The following ZFAT variants were observed in gnomAD, a reference collection of about 807,000 sequenced individuals.
The protein encoded by ZFAT is zinc finger protein ZFAT.
In ZFAT, 64 loss-of-function variants were observed where a neutral mutation model predicts 117.7. That is an observed-to-expected ratio of 0.54 (90% CI 0.44 to 0.67). The LOEUF (loss-of-function observed/expected upper bound fraction) is 0.67. ZFAT is among the 30% of genes least tolerant of loss of function. The pLI is 0.00. For missense variants in ZFAT, 1,433 were observed against 1,584.5 expected (o/e 0.90, Z 1.62); for synonymous variants, 679 against 615.0 (o/e 1.10, Z -1.54).
chr8:134,771,428 C>G, the ZFAT span, among the ~76,000 whole-genome samples: 1 of 152,182 alleles, frequency 6.6e-6, no homozygotes, highest in East Asian at 1.9e-4. Context: ...CTCTCAAGTT[C>G]AAAGTTCCAC....
chr8:134,575,187 G>A (rs1269525014), intron 10 of ZFAT, among the ~76,000 whole-genome samples: 2 of 152,082 alleles, frequency 1.3e-5, no homozygotes, highest in African/African-American at 4.8e-5. Flanking sequence ...AGATATCCAG[G>A]TTCTAATCCC....
chr8:134,477,824 C>T lies in ZFAT; in HGVS notation c.*658G>A, dbSNP rs1377657036. 2 of 152,208 alleles carry T rather than the reference C, an allele frequency of 1.3e-5. No homozygotes were observed. Among genetic ancestry groups the T allele is most frequent in the Non-Finnish European group, 2.9e-5 (2 of 68,080 alleles). 9.4% of individuals were successfully genotyped at this position (152,208 alleles called of 1,614,324 possible). ...ACTGTTTTTATTCCAACCACCTCAC[C>T]TCCTTAGAATGGGAGGCGAACAGTG... On this transcript the variant is annotated 3_prime_UTR_variant, in exon 16 of 16. Coordinates refer to ENST00000377838, the MANE Select transcript of ZFAT (RefSeq NM_020863.4).
At chr8:134,657,946 T>C (rs1831709294) in intron 1 of ZFAT, among the ~76,000 whole-genome samples, 1 of 152,174 alleles carries the variant, frequency 6.6e-6, no homozygotes, top group South Asian at 2.1e-4. Context: ...ATTCAGTATC[T>C]CAACCCTCAG....
At chr8:134,677,985 A>C (rs1328494784) in intron 1 of ZFAT, among the ~76,000 whole-genome samples, 2 of 152,208 alleles carry the variant, frequency 1.3e-5, no homozygotes, top group Non-Finnish European at 2.9e-5. Context: ...ACCCACAGCC[A>C]ATATCGTATT....
chr8:134,518,905 C>T (rs1820434216), intron 13 of ZFAT, among the ~76,000 whole-genome samples: 1 of 152,112 alleles, frequency 6.6e-6, no homozygotes, highest in African/African-American at 2.4e-5. Flanking sequence ...AAAAAGCCCA[C>T]CTTTCTCCTA....
At chr8:134,765,258 C>T in the ZFAT span, 1 of 152,214 alleles carries the variant, frequency 6.6e-6, no homozygotes, top group Non-Finnish European at 1.5e-5. Context: ...TTTCACTAGA[C>T]TGAACCATCA....
chr8:134,615,468 C>G (rs906511001), intron 3 of ZFAT, among the ~76,000 whole-genome samples: 1 of 152,128 alleles, frequency 6.6e-6, no homozygotes, highest in Non-Finnish European at 1.5e-5. Flanking sequence ...AGATTACATG[C>G]GTGAGCTACT....
At chr8:134,503,922 A>G (rs933463111) in intron 15 of ZFAT, among the ~76,000 whole-genome samples, 4 of 149,664 alleles carry the variant, frequency 2.7e-5, no homozygotes, top group African/African-American at 9.7e-5. Context: ...ACAAACACAC[A>G]CACACACACA....
At chr8:134,670,511 A>C (rs1377294457) in intron 1 of ZFAT, among the ~76,000 whole-genome samples, 1 of 152,282 alleles carries the variant, frequency 6.6e-6, no homozygotes, top group African/African-American at 2.4e-5. Flanking sequence ...TACTGAGTAC[A>C]TAACTAAATG....
chr8:134,740,726 C>T, the ZFAT span, among the ~76,000 whole-genome samples: 1 of 152,166 alleles, frequency 6.6e-6, no homozygotes, highest in African/African-American at 2.4e-5. Flanking sequence ...GACCTCTGGC[C>T]TCCAGCTTGC....
rs773661092 is a variant in ZFAT, at chr8:134,601,975, C to A, written c.1744G>T (p.Val582Phe). Residue 582 changes from valine to phenylalanine, a missense_variant, in exon 6 of 16, where the codon GTC becomes TTC. Physicochemically the swap from Val to Phe is conservative, Grantham distance 50. Transcript: ENST00000377838. ...LPPCELETTV[V>F]SSSDLHSQEV... ...TGAGAATGCAGGTCTGAGGAGGAGA[C>A]CACGGTGGTTTCCAGCTCACAGGGT... 3.7e-6 allele frequency: 6 copies of A among 1,613,816 alleles called. No homozygotes were observed. The highest frequency in any genetic ancestry group is 5.1e-6 in the Non-Finnish European group (6 of 1,179,968).
the ZFAT span, among the ~76,000 whole-genome samples, chr8:134,761,498 G>A: frequency 5.3e-5 from 8 of 151,346 alleles, no homozygotes; most frequent in Non-Finnish European, 1.0e-4. Context: ...TCAAGAGATC[G>A]AGATCATCCT....
At chr8:134,739,691 A>C in the ZFAT span, among the ~76,000 whole-genome samples, 62 of 152,366 alleles carry the variant, frequency 4.1e-4, no homozygotes, top group Middle Eastern at 3.4e-3. Flanking sequence ...TAAACAATGA[A>C]CAAGGAAATA....
chr8:134,783,092 A>G, the ZFAT span, among the ~76,000 whole-genome samples: 1 of 152,228 alleles, frequency 6.6e-6, no homozygotes, highest in Non-Finnish European at 1.5e-5. Context: ...TTTAAGTCAC[A>G]TAAATAATAC....
the ZFAT span, among the ~76,000 whole-genome samples, chr8:134,826,671 T>C: frequency 6.6e-6 from 1 of 152,192 alleles, no homozygotes; most frequent in South Asian, 2.1e-4. Flanking sequence ...AACAGAGATA[T>C]TAAATTATAC....
rs201279841 is a variant in ZFAT at position 134,590,839 on chromosome 8, CCAT to C, written c.2476-487_2476-485del. On this transcript the variant is annotated intron_variant, in intron 7 of 15. Transcript: ENST00000377838. ...ATCAACATCACCACGACCCCCCTCA[CCAT>C]CATCAACACTAGCATTCTCATCAGC... Among the ~76,000 whole-genome samples the C allele has an allele frequency of 1.4e-4, 21 of 152,106 alleles. No homozygotes were observed. In the East Asian group the frequency reaches 3.9e-3, roughly 28 times the overall value.
chr8:134,550,242 G>A (rs1823030323), intron 11 of ZFAT, among the ~76,000 whole-genome samples: 1 of 138,964 alleles, frequency 7.2e-6, no homozygotes, highest in Admixed American at 8.0e-5. Flanking sequence ...TTGCTTTATC[G>A]CTTCAGGATT....
chr8:134,699,838 GT>G (rs1194810208), intron 1 of ZFAT, among the ~76,000 whole-genome samples: 5 of 152,240 alleles, frequency 3.3e-5, no homozygotes, highest in Non-Finnish European at 7.3e-5. Context: ...GGTTAAGAAC[GT>G]GAGTGCTAGA....
chr8:134,712,378 A>G (rs932929517), intron 1 of ZFAT, among the ~76,000 whole-genome samples: 2 of 152,206 alleles, frequency 1.3e-5, no homozygotes, highest in African/African-American at 4.8e-5. Context: ...CCGGGTGTCA[A>G]GTGGAAGATC....
Sources: allele counts gnomAD v4.1 joint callset (sites outside exome capture counted in the v4.1 genomes callset), GRCh38; gene constraint gnomAD v4.1.1; transcripts MANE v1.5; gene names NCBI Gene and HGNC (gene_info 2026-07-23, HGNC 2026-07-21).